Variants in MTMR7 observed in about 807,000 individuals in gnomAD.
MTMR7 encodes the protein myotubularin related protein 7.
In MTMR7, 76 loss-of-function variants were observed where a neutral mutation model predicts 81.2. The ratio of observed to expected loss-of-function variants is 0.94; its 90% CI spans 0.78 to 1.13. The LOEUF is 1.13. MTMR7 is among the 50% of genes most tolerant of loss of function. The probability of loss-of-function intolerance (pLI) is 0.00; values close to 1 mark genes in which losing one functional copy is unlikely to be tolerated. For synonymous variants in MTMR7, 372 were observed against 289.8 expected (o/e 1.28, Z -2.88); for missense variants, 1,044 against 820.0 (o/e 1.27, Z -3.34).
chr8:17,315,912 C>A (rs1818043399), intron 7 of MTMR7, among the ~76,000 whole-genome samples: 1 of 152,094 alleles, frequency 6.6e-6, no homozygotes, highest in Admixed American at 6.6e-5. Context: ...ACTTGGGAGG[C>A]TGAGTTGAGA....
Position 17,380,747 on chromosome 8 carries a change from G to A in MTMR7, c.25-7507C>T, listed in dbSNP as rs954752747. Among the ~76,000 whole-genome samples, 54 of 152,090 alleles carry A rather than the reference G, an allele frequency of 3.6e-4. 1 individual carries two copies. The highest frequency in any genetic ancestry group is 8.8e-5 in the Non-Finnish European group (6 of 68,038). ...GTGAGCACTTGTAAATGCCTTTGAG[G>A]TCATTGTAGAATTGTTATTCAAAAT... On this transcript the variant is annotated intron_variant, in intron 1 of 13. Transcript: ENST00000180173.
chr8:17,300,131 C>G lies in MTMR7; in HGVS notation c.1714G>C (p.Asp572His), dbSNP rs1480085933. The G allele has an allele frequency of 4.3e-6, 7 of 1,613,972 alleles. No homozygotes were observed. In the African/African-American group the frequency reaches 6.7e-5, roughly 15 times the overall value. ...PSKHSGFSTSDNSIANTPQDY... is the reference protein window; with the variant it reads ...PSKHSGFSTSHNSIANTPQDY... ...TGGGGAGTGTTGGCTATGCTGTTGT[C>G]TGAGGTAGAAAACCCTGAGTGCTTG... Residue 572 changes from aspartate (D) to histidine (H), a missense_variant, in exon 14 of 14, where the codon GAC (aspartate) becomes CAC (histidine). Physicochemically the swap from Asp to His is moderately conservative, Grantham distance 81 (BLOSUM62 -1). Coordinates refer to ENST00000180173, the MANE Select transcript of MTMR7 (RefSeq NM_004686.5).
chr8:17,370,879 T>G (rs569587927), intron 3 of MTMR7, among the ~76,000 whole-genome samples, 158 bp downstream of exon 3: 2 of 152,164 alleles, frequency 1.3e-5, no homozygotes, highest in South Asian at 4.2e-4. Context: ...CAAGAAACTC[T>G]GTATCAGATG....
At position 17,297,921 on chromosome 8, in the gene MTMR7, T is replaced by G. The variant is rs1345124794; in HGVS notation, c.*1941A>C. The stretch of plus-strand genomic sequence containing the variant: ...AAAAAAGTTGAGGGGACTAAAAGTT[T>G]ATGACTCTGATATGGAAGTTGTCAT... On this transcript the variant is annotated 3_prime_UTR_variant, in exon 14 of 14. Coordinates refer to ENST00000180173, the MANE Select transcript of MTMR7 (RefSeq NM_004686.5). 6.6e-6 allele frequency: 1 copy of G among 152,094 alleles called. No individual in the cohort carries two copies. The highest frequency in any genetic ancestry group is 2.4e-5 in the African/African-American group (1 of 41,464). 9.4% of individuals were successfully genotyped at this position (152,094 alleles called of 1,614,324 possible).
chr8:17,413,149 C>T (rs1356046794), intron 1 of MTMR7, 120 bp downstream of exon 1: 9 of 1,183,066 alleles, frequency 7.6e-6, no homozygotes, highest in Non-Finnish European at 9.8e-6. Flanking sequence ...TCCTCCCTCG[C>T]CCGCGGTCCA....
chr8:17,393,593 C>T (rs548456822), intron 1 of MTMR7, among the ~76,000 whole-genome samples: 2 of 152,200 alleles, frequency 1.3e-5, no homozygotes, highest in African/African-American at 4.8e-5. Flanking sequence ...CAAACAAATG[C>T]AGGAACAGAA....
chr8:17,319,191 G>A (rs1818259692), intron 7 of MTMR7, among the ~76,000 whole-genome samples: 1 of 152,208 alleles, frequency 6.6e-6, no homozygotes, highest in Middle Eastern at 3.2e-3. Flanking sequence ...CTCCAGCTCT[G>A]CCCATGCTCA....
chr8:17,340,338 A>G (rs1241946312), intron 6 of MTMR7, among the ~76,000 whole-genome samples: 1 of 152,242 alleles, frequency 6.6e-6, no homozygotes, highest in Non-Finnish European at 1.5e-5. Context: ...TGCTTACCAT[A>G]CAAGGAGACA....
chr8:17,325,963 G>A (rs2150519690), intron 7 of MTMR7, among the ~76,000 whole-genome samples: 1 of 152,260 alleles, frequency 6.6e-6, no homozygotes, highest in East Asian at 1.9e-4. Flanking sequence ...ACCTTACACT[G>A]GAAAGCACTT....
intron 10 of MTMR7, among the ~76,000 whole-genome samples, chr8:17,308,217 T>C (rs1007850893): frequency 6.6e-6 from 1 of 152,102 alleles, no homozygotes; most frequent in Non-Finnish European, 1.5e-5. Context: ...TTTTTCCTTA[T>C]CAAACAATTA....
chr8:17,412,465 T>C (rs1288829401), intron 1 of MTMR7, among the ~76,000 whole-genome samples: 6 of 152,212 alleles, frequency 3.9e-5, no homozygotes, highest in Non-Finnish European at 5.9e-5. Context: ...GTTTTTATCA[T>C]GCAGTAACGT....
chr8:17,337,256 T>G lies in MTMR7; in HGVS notation c.732+4107A>C, dbSNP rs1213550300. On this transcript the variant is annotated intron_variant, in intron 6 of 13. Coordinates refer to ENST00000180173, the MANE Select transcript of MTMR7 (RefSeq NM_004686.5). ...GGCGGGCACCTGTAAACCCAGCTACTCGGGAGGCTGAGGCAGGAGAATCAC... is the reference window on the plus strand; with the variant it reads ...GGCGGGCACCTGTAAACCCAGCTACGCGGGAGGCTGAGGCAGGAGAATCAC... 2.0e-5 allele frequency among the ~76,000 whole-genome samples: 3 copies of G among 151,176 alleles called. No homozygotes were observed. In the East Asian group the frequency reaches 5.9e-4, roughly 30 times the overall value.
intron 1 of MTMR7, among the ~76,000 whole-genome samples, chr8:17,386,687 G>T (rs1820954065): frequency 6.6e-6 from 1 of 152,108 alleles, no homozygotes; most frequent in Admixed American, 6.6e-5. Context: ...CCACATCCAT[G>T]GCCATGAAGA....
intron 1 of MTMR7, among the ~76,000 whole-genome samples, chr8:17,407,987 G>A (rs1200546961): frequency 6.6e-6 from 1 of 152,140 alleles, no homozygotes; most frequent in Non-Finnish European, 1.5e-5. Context: ...AAACAGAATT[G>A]TATAATTATA....
intron 7 of MTMR7, among the ~76,000 whole-genome samples, chr8:17,324,597 A>G (rs1009416879): frequency 6.6e-6 from 1 of 152,222 alleles, no homozygotes; most frequent in African/African-American, 2.4e-5. Context: ...GAGAGGCAAA[A>G]GCACACATAC....
chr8:17,320,243 A>G (rs372536110), intron 7 of MTMR7, among the ~76,000 whole-genome samples: 1 of 152,164 alleles, frequency 6.6e-6, no homozygotes, highest in East Asian at 1.9e-4. Context: ...TTTTACTTCT[A>G]TGCACAGTAT....
At chr8:17,392,661 G>A (rs1821139110) in intron 1 of MTMR7, among the ~76,000 whole-genome samples, 1 of 152,200 alleles carries the variant, frequency 6.6e-6, no homozygotes, top group Admixed American at 6.5e-5. Context: ...TGTTTGACGA[G>A]ATCAATGTTT....
At chr8:17,360,847 C>G (rs1820037276) in intron 4 of MTMR7, among the ~76,000 whole-genome samples, 1 of 152,136 alleles carries the variant, frequency 6.6e-6, no homozygotes, top group African/African-American at 2.4e-5. Flanking sequence ...TGCCTGTCCA[C>G]AAGGCCTGCC....
chr8:17,363,751 G>A (rs1013448289), intron 3 of MTMR7, among the ~76,000 whole-genome samples: 2 of 152,056 alleles, frequency 1.3e-5, no homozygotes, highest in African/African-American at 4.8e-5. Flanking sequence ...GATACAGCCT[G>A]CAGACTCTGC....
Sources: allele counts gnomAD v4.1 joint callset (sites outside exome capture counted in the v4.1 genomes callset), GRCh38; gene constraint gnomAD v4.1.1; transcripts MANE v1.5; gene names NCBI Gene and HGNC (gene_info 2026-07-23, HGNC 2026-07-21).